INF2: variants seen among roughly 807,000 people sequenced by gnomAD.
The protein encoded by INF2 is inverted formin 2.
In INF2, 43 loss-of-function variants were observed where a neutral mutation model predicts 123.5. The ratio of observed to expected loss-of-function variants is 0.35; its 90% CI spans 0.27 to 0.45. The LOEUF (loss-of-function observed/expected upper bound fraction) is 0.45, where lower values mean the gene tolerates loss of function less well. Among genes scored for constraint, INF2 ranks in the 20% least tolerant of loss-of-function variants. The pLI, the probability that INF2 is intolerant of heterozygous loss-of-function variation, is 1.00. For synonymous variants in INF2, 851 were observed against 745.0 expected (o/e 1.14, Z -2.32); for missense variants, 1,453 against 1,682.7 (o/e 0.86, Z 2.39).
rs1595174339 is a variant in INF2, at chr14:104,710,084, C to T, written c.2139-4C>T. 1.3e-6 allele frequency: 2 copies of T among 1,548,878 alleles called. No individual in the cohort carries two copies. Among genetic ancestry groups the T allele is most frequent in the Middle Eastern group, 1.7e-4 (1 of 5,994 alleles). ...CCACTGATCCCTGTCTGTGCCATCC[C>T]CAGCTACCAGCTGCGAATCGAGTGC... On this transcript the variant is annotated splice_region_variant and splice_polypyrimidine_tract_variant and intron_variant, in intron 12 of 22. Coordinates refer to ENST00000392634, the MANE Select transcript of INF2 (RefSeq NM_022489.4).
At chr14:104,710,368 C>G (rs1020654092) in intron 13 of INF2, among the ~76,000 whole-genome samples, 180 bp downstream of exon 13, 1 of 152,122 alleles carries the variant, frequency 6.6e-6, no homozygotes, top group African/African-American at 2.4e-5. Flanking sequence ...GTGCACACAC[C>G]TACTGGACGC....
chr14:104,714,091 T>C (rs1890178588), intron 20 of INF2, 112 bp from the exon 21 acceptor site: 2 of 941,360 alleles, frequency 2.1e-6, no homozygotes, highest in African/African-American at 1.7e-5. Context: ...GGAGGCTTTC[T>C]GGGGAGGAGG....
At chr14:104,711,311 C>T (rs1595175951) in intron 15 of INF2, 125 bp downstream of exon 15, 1 of 833,878 alleles carries the variant, frequency 1.2e-6, no homozygotes, top group Admixed American at 2.1e-5. Flanking sequence ...TCTCAGGGCT[C>T]CGTCTAGAGC....
chr14:104,712,863 G>A lies in INF2; in HGVS notation c.2646G>A (p.Leu882=), dbSNP rs1890118187. ...SISAFRALDE[L]FEAIEQKQRE... is the part of the protein sequence containing the mutation. ...CGGCCTTCCGGGCACTGGATGAGCT[G>A]TTTGAGGCCATCGAGCAGAAGCAAC... The change falls in exon 18 of 23, where the codon CTG becomes CTA. Residue 882 remains leucine, a synonymous_variant. Coordinates refer to ENST00000392634, the MANE Select transcript of INF2 (RefSeq NM_022489.4). 1 of 1,612,630 alleles carries A rather than the reference G, an allele frequency of 6.2e-7. No individual in the cohort carries two copies. The highest frequency in any genetic ancestry group is 8.5e-7 in the Non-Finnish European group (1 of 1,179,778).
chr14:104,706,195 G>A lies in INF2; in HGVS notation c.843+19G>A, dbSNP rs1053641818. ...CCACAAGGTGGGCTGGGGGCTGCAG[G>A]GCGGAGGGCAGCCCTCCAGGGCAGG... On this transcript the variant is annotated intron_variant, in intron 6 of 22. Coordinates refer to ENST00000392634, the MANE Select transcript of INF2 (RefSeq NM_022489.4). The A allele has an allele frequency of 1.3e-6, 2 of 1,551,384 alleles. No homozygotes were observed. Among genetic ancestry groups the A allele is most frequent in the African/African-American group, 2.7e-5 (2 of 73,426 alleles).
At position 104,695,650 on chromosome 14, in the gene INF2, C is replaced by A. The variant is rs144496604; in HGVS notation, c.-9-5707C>A. On this transcript the variant is annotated intron_variant, in intron 1 of 22. Transcript: ENST00000392634. The stretch of plus-strand genomic sequence containing the variant: ...CTGTTTGCTGCATCCCCCTACCCCC[C>A]CTACAGAGTCACCCTCCTCCCTGTG... Among the ~76,000 whole-genome samples the A allele has an allele frequency of 4.9e-4, 64 of 130,724 alleles. No homozygotes were observed. The East Asian group carries it at 0.01, about 21-fold the overall frequency. 85.8% of individuals were successfully genotyped at this position (130,724 alleles called of 152,430 possible).
chr14:104,715,859 C>T, intron 22 of INF2: 1 of 458,118 alleles, frequency 2.2e-6, no homozygotes, highest in South Asian at 1.5e-5. Flanking sequence ...CCGGGACAGT[C>T]GCAAGGGCAG....
At chr14:104,715,373 A>T in intron 22 of INF2, 33 bp downstream of exon 22, 1 of 1,594,400 alleles carries the variant, frequency 6.3e-7, no homozygotes, top group Non-Finnish European at 8.6e-7. Context: ...GTGGGGGCTA[A>T]CAGCAGCTGC....
At chr14:104,693,019 CT>C (rs1016693496) in intron 1 of INF2, among the ~76,000 whole-genome samples, 4 of 152,240 alleles carry the variant, frequency 2.6e-5, no homozygotes, top group African/African-American at 9.6e-5. Flanking sequence ...CAACCTCTGT[CT>C]GTTGGAAATG....
At chr14:104,697,670 C>T (rs1317483342) in intron 1 of INF2, among the ~76,000 whole-genome samples, 3 of 152,248 alleles carry the variant, frequency 2.0e-5, no homozygotes, top group Non-Finnish European at 2.9e-5. Flanking sequence ...GCTGGCCAGG[C>T]CCAGGCCCAG....
At chr14:104,710,901 C>T (rs762410502) in intron 13 of INF2, 36 bp from the exon 14 acceptor site, 62 of 1,596,880 alleles carry the variant, frequency 3.9e-5, no homozygotes, top group Non-Finnish European at 5.0e-5. Flanking sequence ...GGGCTCCGAA[C>T]CAAGAGCCCC....
chr14:104,683,185 G>C (rs1566767819), intron 1 of INF2, among the ~76,000 whole-genome samples: 1 of 152,066 alleles, frequency 6.6e-6, no homozygotes, highest in Non-Finnish European at 1.5e-5. Context: ...GGCTGCAATG[G>C]GGGAGGGGAG....
rs1890477385 is a variant in INF2, at chr14:104,719,694, G to C, written c.*901G>C. 7.0e-6 allele frequency: 1 copy of C among 142,726 alleles called. No homozygotes were observed. The highest frequency in any genetic ancestry group is 6.7e-5 in the Admixed American group (1 of 14,902). The allele number at this position is 142,726 out of a possible 1,614,324, so 8.8% of individuals were successfully genotyped here. On this transcript the variant is annotated 3_prime_UTR_variant, in exon 23 of 23. Transcript: ENST00000392634. ...ACATGGTGAGCGCTGGACAGGCCCCGTGTGAACACTCACTGTTGAGGGGCC... is the reference window on the plus strand; with the variant it reads ...ACATGGTGAGCGCTGGACAGGCCCCCTGTGAACACTCACTGTTGAGGGGCC...
In INF2 at chr14:104,703,436, C is replaced by G; in HGVS notation, c.649C>G (p.Leu217Val). The G allele has an allele frequency of 1.2e-6, 2 of 1,612,560 alleles. No homozygotes were observed. Among genetic ancestry groups the G allele is most frequent in the Non-Finnish European group, 1.7e-6 (2 of 1,179,934 alleles). ...CGAGGACCTGCGCGCGCGCACCCAGCTGCGGAACGAGTTTATCGGTAAGCA... is the reference window on the plus strand; with the variant it reads ...CGAGGACCTGCGCGCGCGCACCCAGGTGCGGAACGAGTTTATCGGTAAGCA... ...GPEDLRARTQ[L>V]RNEFIGLQLL... is the part of the protein sequence containing the mutation. The change falls in exon 4 of 23, where the codon CTG becomes GTG. Residue 217 changes from leucine to valine, a missense_variant. By Grantham distance (32) the Leu-to-Val change is conservative. Transcript: ENST00000392634.
chr14:104,712,195 C>T (rs887537630), intron 16 of INF2, among the ~76,000 whole-genome samples: 1 of 152,148 alleles, frequency 6.6e-6, no homozygotes, highest in Non-Finnish European at 1.5e-5. Flanking sequence ...GCTGCTCAGC[C>T]TTGGGGAGAA....
Position 104,713,479 on chromosome 14 carries a change from T to C in INF2, c.2913T>C (p.Cys971=). The C allele has an allele frequency of 1.2e-6, 2 of 1,611,478 alleles. No individual in the cohort carries two copies. Among genetic ancestry groups the C allele is most frequent in the Non-Finnish European group, 1.7e-6 (2 of 1,179,438 alleles). ...RKGPGKQEEV[C]VIDALLADIR... ...GGCCCGGGAAGCAGGAGGAGGTGTG[T>C]GTCATCGATGCCCTGCTGGCTGACA... The change falls in exon 20 of 23, where the codon TGT becomes TGC. Residue 971 remains cysteine (C), a synonymous_variant. Coordinates refer to ENST00000392634, the MANE Select transcript of INF2 (RefSeq NM_022489.4).
At chr14:104,710,670 C>T (rs1890009756) in intron 13 of INF2, 2 of 560,706 alleles carry the variant, frequency 3.6e-6, no homozygotes, top group South Asian at 2.2e-5. Flanking sequence ...TCCATGGGGA[C>T]CTGCCACAGC....
chr14:104,708,253 C>A, intron 8 of INF2, 183 bp from the exon 9 acceptor site: 1 of 889,306 alleles, frequency 1.1e-6, no homozygotes. Flanking sequence ...TGCCATGGTG[C>A]CCTGGGGCCC....
intron 6 of INF2, 138 bp from the exon 7 acceptor site, chr14:104,706,772 T>C (rs551634416): frequency 1.1e-6 from 1 of 921,510 alleles, no homozygotes; most frequent in South Asian, 1.7e-5. Flanking sequence ...AGTACCACAG[T>C]CGCTGAAACT....
Sources: gnomAD v4.1 joint callset for allele counts (sites outside exome capture counted in the v4.1 genomes callset) on GRCh38, gnomAD v4.1.1 for gene constraint, MANE v1.5 for transcripts, NCBI Gene and HGNC (gene_info 2026-07-23, HGNC 2026-07-21) for gene names.